Variants in DTNA observed in about 807,000 individuals in gnomAD.
DTNA encodes the protein dystrobrevin alpha.
Under a neutral mutation model 100.7 loss-of-function variants are expected in DTNA, and 43 were observed. That is an observed-to-expected ratio of 0.43 (90% CI 0.33 to 0.55). The LOEUF (loss-of-function observed/expected upper bound fraction) is 0.55. Among genes scored for constraint, DTNA ranks in the 20% least tolerant of loss-of-function variants. DTNA has a pLI of 0.04. For synonymous variants in DTNA, 349 were observed against 347.9 expected (o/e 1.00, Z -0.04); for missense variants, 798 against 953.9 (o/e 0.84, Z 2.15).
intron 1 of DTNA, among the ~76,000 whole-genome samples, chr18:34,544,264 G>A (rs1390204648): frequency 6.6e-6 from 1 of 151,912 alleles, no homozygotes; most frequent in South Asian, 2.1e-4. Context: ...AATGCCTAAT[G>A]TATCACACTA....
At chr18:34,552,046 A>G (rs1188907340) in intron 1 of DTNA, among the ~76,000 whole-genome samples, 1 of 151,928 alleles carries the variant, frequency 6.6e-6, no homozygotes, top group East Asian at 1.9e-4. Context: ...GCTCCATTTC[A>G]GCCTCTGGTT....
At chr18:34,608,274 G>T (rs1207226328) in intron 1 of DTNA, among the ~76,000 whole-genome samples, 1 of 152,180 alleles carries the variant, frequency 6.6e-6, no homozygotes, top group African/African-American at 2.4e-5. Context: ...TGCTATCACG[G>T]TCAGGAGTAG....
At chr18:34,713,778 G>T (rs1352461035) in intron 1 of DTNA, among the ~76,000 whole-genome samples, 5 of 152,010 alleles carry the variant, frequency 3.3e-5, no homozygotes, top group Non-Finnish European at 5.9e-5. Flanking sequence ...TGGAATGTTT[G>T]TATCCTCTTT....
At chr18:34,838,885 C>G (rs192573812) in intron 13 of DTNA, 48 bp downstream of exon 13, 6 of 1,549,930 alleles carry the variant, frequency 3.9e-6, no homozygotes, top group Non-Finnish European at 4.5e-6. Flanking sequence ...GGGATACAGT[C>G]TGAGCTGGTG....
chr18:34,573,062 A>T (rs2146464711), intron 1 of DTNA, among the ~76,000 whole-genome samples: 1 of 152,354 alleles, frequency 6.6e-6, no homozygotes, highest in South Asian at 2.1e-4. Flanking sequence ...GTTCCTTTGC[A>T]CACAGTAGGT....
chr18:34,821,812 C>T (rs563043994), intron 9 of DTNA, among the ~76,000 whole-genome samples: 12 of 152,124 alleles, frequency 7.9e-5, no homozygotes, highest in Non-Finnish European at 1.5e-4. Context: ...CGGGACCTAC[C>T]GGTATAGGAA....
chr18:34,710,445 G>A lies in DTNA; in HGVS notation c.-2G>A, dbSNP rs1939479681. On this transcript the variant is annotated splice_region_variant and 5_prime_UTR_variant, in exon 1 of 23. Coordinates refer to ENST00000444659, the MANE Select transcript of DTNA (RefSeq NM_001386795.1). ...GTTGGTGCATTTAACTACAAAACCAGGTAAGGTACAATTGAATCTATGAAA... is the reference window on the plus strand; with the variant it reads ...GTTGGTGCATTTAACTACAAAACCAAGTAAGGTACAATTGAATCTATGAAA... 1 of 152,120 alleles carries A rather than the reference G, an allele frequency of 6.6e-6. No individual in the cohort carries two copies. The highest frequency in any genetic ancestry group is 2.4e-5 in the African/African-American group (1 of 41,424). 9.4% of individuals were successfully genotyped at this position (152,120 alleles called of 1,614,324 possible).
At chr18:34,613,288 C>T (rs914263627) in intron 1 of DTNA, among the ~76,000 whole-genome samples, 51 of 152,336 alleles carry the variant, frequency 3.3e-4, no homozygotes, top group Middle Eastern at 6.8e-3. Flanking sequence ...ATCCTCCAAC[C>T]TCCCTATTCT....
chr18:34,799,788 A>G lies in DTNA; in HGVS notation c.362+5538A>G, dbSNP rs2095135462. On this transcript the variant is annotated intron_variant, in intron 4 of 22. Coordinates refer to ENST00000444659, the MANE Select transcript of DTNA (RefSeq NM_001386795.1). The stretch of plus-strand genomic sequence containing the variant: ...ATGTCACTCGTTGTTTATCTGACAT[A>G]CTTTGAATGAGTAGCAGGTAGAATT... 2.6e-5 allele frequency among the ~76,000 whole-genome samples: 4 copies of G among 152,346 alleles called. No individual in the cohort carries two copies. The South Asian group carries it at 8.3e-4, about 32-fold the overall frequency.
chr18:34,509,942 G>A (rs2040868411), intron 1 of DTNA, among the ~76,000 whole-genome samples: 1 of 151,980 alleles, frequency 6.6e-6, no homozygotes, highest in Non-Finnish European at 1.5e-5. Context: ...TGAACCCAAA[G>A]GAAATGGTAT....
chr18:34,795,927 C>G (rs1222764501), intron 4 of DTNA, among the ~76,000 whole-genome samples: 1 of 152,150 alleles, frequency 6.6e-6, no homozygotes, highest in Non-Finnish European at 1.5e-5. Flanking sequence ...CTCTAAATAG[C>G]TGCTGAAAAT....
intron 1 of DTNA, among the ~76,000 whole-genome samples, chr18:34,607,825 G>A (rs1347406348): frequency 6.6e-6 from 1 of 152,096 alleles, no homozygotes; most frequent in Non-Finnish European, 1.5e-5. Context: ...TTTATCCAGG[G>A]TCAATAGATC....
At chr18:34,854,634 T>C (rs1306173461) in intron 15 of DTNA, among the ~76,000 whole-genome samples, 2 of 152,230 alleles carry the variant, frequency 1.3e-5, no homozygotes, top group East Asian at 3.8e-4. Context: ...ATGTAGTCCG[T>C]TCATTCGGAC....
At chr18:34,571,387 C>A (rs1363679690) in intron 1 of DTNA, among the ~76,000 whole-genome samples, 1 of 152,108 alleles carries the variant, frequency 6.6e-6, no homozygotes, top group Non-Finnish European at 1.5e-5. Context: ...TACAGGTGTT[C>A]TCACCCAGGA....
In DTNA at chr18:34,765,201, G is replaced by A. The variant is rs113068995; in HGVS notation, c.68-760G>A. Among the ~76,000 whole-genome samples the A allele has an allele frequency of 6.4e-3, 978 of 152,286 alleles. 15 individuals carry two copies. The highest frequency in any genetic ancestry group is 0.022 in the African/African-American group (919 of 41,554). ...AGCCATGCTGGACTCCTAAGTGGGAGAGTGAAATAAGGAAAGTAGTTTAAG... is the reference window on the plus strand; with the variant it reads ...AGCCATGCTGGACTCCTAAGTGGGAAAGTGAAATAAGGAAAGTAGTTTAAG... On this transcript the variant is annotated intron_variant, in intron 2 of 22. Coordinates refer to ENST00000444659, the MANE Select transcript of DTNA (RefSeq NM_001386795.1).
chr18:34,639,193 C>T (rs558856313), intron 1 of DTNA, among the ~76,000 whole-genome samples: 3 of 152,320 alleles, frequency 2.0e-5, no homozygotes, highest in Non-Finnish European at 2.9e-5. Flanking sequence ...GATTGTCAGC[C>T]TCTTCACATT....
intron 1 of DTNA, among the ~76,000 whole-genome samples, chr18:34,745,890 CA>C (rs1450145138): frequency 6.6e-6 from 1 of 152,114 alleles, no homozygotes; most frequent in Admixed American, 6.5e-5. Flanking sequence ...TTCATCAGCT[CA>C]TTAAAGGGTC....
At chr18:34,621,053 ATG>A (rs2056401790) in intron 1 of DTNA, among the ~76,000 whole-genome samples, 1 of 151,806 alleles carries the variant, frequency 6.6e-6, no homozygotes, top group South Asian at 2.1e-4. Flanking sequence ...GGTAGATAGA[ATG>A]TGAACCGTTG....
intron 1 of DTNA, among the ~76,000 whole-genome samples, chr18:34,632,154 C>G (rs940269863): frequency 4.6e-5 from 7 of 152,086 alleles, no homozygotes; most frequent in Admixed American, 6.6e-5. Context: ...GTAAACTTCA[C>G]AAAATGGATT....
Sources: gnomAD v4.1 joint callset for allele counts (sites outside exome capture counted in the v4.1 genomes callset) on GRCh38, gnomAD v4.1.1 for gene constraint, MANE v1.5 for transcripts, NCBI Gene and HGNC (gene_info 2026-07-23, HGNC 2026-07-21) for gene names.